Variants in MCC observed in about 807,000 individuals in gnomAD.
MCC encodes the protein MCC regulator of Wnt signaling pathway.
In MCC, 90 loss-of-function variants were observed where a neutral mutation model predicts 116.2. That is an observed-to-expected ratio of 0.77 (90% confidence interval 0.65 to 0.92). The LOEUF is 0.92. MCC is among the 40% of genes least tolerant of loss of function. The pLI is 0.00. For missense variants in MCC, 1,516 were observed against 1,312.2 expected (o/e 1.16, Z -2.40); for synonymous variants, 578 against 510.5 (o/e 1.13, Z -1.78).
chr5:113,450,173 G>C (rs1580390914), intron 1 of MCC, among the ~76,000 whole-genome samples: 1 of 152,266 alleles, frequency 6.6e-6, no homozygotes, highest in Non-Finnish European at 1.5e-5. Context: ...TGGAGTTAGG[G>C]TGGAAGTTCA....
At chr5:113,144,741 G>A (rs1393279369) in intron 4 of MCC, among the ~76,000 whole-genome samples, 1 of 152,182 alleles carries the variant, frequency 6.6e-6, no homozygotes, top group Non-Finnish European at 1.5e-5. Context: ...GGGTTACCTT[G>A]GAGCTCCAGA....
intron 2 of MCC, among the ~76,000 whole-genome samples, chr5:113,354,062 C>G (rs1471894882): frequency 6.6e-6 from 1 of 152,184 alleles, no homozygotes; most frequent in African/African-American, 2.4e-5. Context: ...TCCCTCCCCA[C>G]CAAATCTCAG....
intron 3 of MCC, among the ~76,000 whole-genome samples, chr5:113,317,176 C>T (rs1292718762): frequency 1.3e-5 from 2 of 152,222 alleles, no homozygotes. Flanking sequence ...TTGATTAAAC[C>T]CACAGTTCAA....
intron 1 of MCC, among the ~76,000 whole-genome samples, chr5:113,460,472 C>A (rs1339266725): frequency 2.0e-5 from 3 of 152,122 alleles, no homozygotes; most frequent in Non-Finnish European, 4.4e-5. Context: ...AAACACACAC[C>A]ACACACATTG....
chr5:113,103,028 C>G (rs1159767277), intron 7 of MCC, among the ~76,000 whole-genome samples: 1 of 152,074 alleles, frequency 6.6e-6, no homozygotes, highest in Non-Finnish European at 1.5e-5. Flanking sequence ...GCAGGAGAAT[C>G]GCTTGAATCT....
intron 3 of MCC, among the ~76,000 whole-genome samples, chr5:113,230,803 T>C (rs1488216845): frequency 6.6e-6 from 1 of 152,180 alleles, no homozygotes; most frequent in Non-Finnish European, 1.5e-5. Context: ...ATATTGTGAT[T>C]TCTCTAAAAT....
intron 3 of MCC, among the ~76,000 whole-genome samples, chr5:113,268,957 G>A (rs186253193): frequency 6.6e-6 from 1 of 152,198 alleles, no homozygotes; most frequent in South Asian, 2.1e-4. Flanking sequence ...TAAAAGCTAG[G>A]CTTTTTTTTC....
intron 8 of MCC, among the ~76,000 whole-genome samples, chr5:113,100,123 C>A (rs116149415): frequency 6.6e-6 from 1 of 152,204 alleles, no homozygotes; most frequent in East Asian, 1.9e-4. Context: ...TGCTTATGCA[C>A]GTGAGTTAAG....
chr5:113,246,324 A>G lies in MCC; in HGVS notation c.627+94195T>C, dbSNP rs548968925. Among the ~76,000 whole-genome samples the G allele has an allele frequency of 7.9e-5, 12 of 152,330 alleles. No individual in the cohort carries two copies. The South Asian group carries it at 2.3e-3, about 29-fold the overall frequency. ...TACTTTTTAAATTGATAAGCTGAAA[A>G]GTTCATCTTTTTTAAAGCAATTTCT... On this transcript the variant is annotated intron_variant, in intron 3 of 18. Coordinates refer to ENST00000408903, the MANE Select transcript of MCC (RefSeq NM_001085377.2).
chr5:113,393,667 G>A lies in MCC; in HGVS notation c.171-8455C>T, dbSNP rs192460469. 6.6e-5 allele frequency among the ~76,000 whole-genome samples: 10 copies of A among 152,328 alleles called. No homozygotes were observed. The East Asian group carries it at 1.2e-3, about 18-fold the overall frequency. On this transcript the variant is annotated intron_variant, in intron 1 of 18. Transcript: ENST00000408903. ...CGCTTTGGCTATGTTTCTAGAGACA[G>A]TAGTCTAATTCCCTACATAGAGAGT...
chr5:113,082,899 T>G lies in MCC; in HGVS notation c.1745A>C (p.Lys582Thr). The G allele has an allele frequency of 1.2e-6, 2 of 1,614,224 alleles. No individual in the cohort carries two copies. The highest frequency in any genetic ancestry group is 2.2e-5 in the South Asian group (2 of 91,072). ...YSHGSAISES[K>T]IREFEVETER... ...TGTTTCCACCTCAAACTCTCTAATC[T>G]TGCTTTCTGAGATGGCAGATCCGTG... The change falls in exon 11 of 19, where the codon AAG becomes ACG. Residue 582 changes from lysine (K) to threonine (T), a missense_variant. Coordinates refer to ENST00000408903, the MANE Select transcript of MCC (RefSeq NM_001085377.2).
chr5:113,378,719 G>T (rs1272708486), intron 2 of MCC, among the ~76,000 whole-genome samples: 4 of 152,082 alleles, frequency 2.6e-5, no homozygotes, highest in Admixed American at 2.6e-4. Context: ...CTGAAGCACT[G>T]CCCCTTTCAC....
chr5:113,253,239 G>A (rs979918135), intron 3 of MCC, among the ~76,000 whole-genome samples: 5 of 152,152 alleles, frequency 3.3e-5, no homozygotes, highest in Non-Finnish European at 7.3e-5. Flanking sequence ...GAGATTAGAC[G>A]TACAGAAACT....
chr5:113,304,548 A>G (rs1378341683), intron 3 of MCC, among the ~76,000 whole-genome samples: 1 of 152,158 alleles, frequency 6.6e-6, no homozygotes, highest in Non-Finnish European at 1.5e-5. Context: ...GAGATTCACT[A>G]CTTTATGCAA....
chr5:113,035,716 C>A lies in MCC; in HGVS notation c.2757-6660G>T, dbSNP rs1751283706. 2.6e-5 allele frequency among the ~76,000 whole-genome samples: 4 copies of A among 152,184 alleles called. No homozygotes were observed. The South Asian group carries it at 8.3e-4, about 32-fold the overall frequency. On this transcript the variant is annotated intron_variant, in intron 17 of 18. Coordinates refer to ENST00000408903, the MANE Select transcript of MCC (RefSeq NM_001085377.2). Reference sequence around the variant, plus strand: ...GTGTCACCTCCCAGAGAGGCCTAGACTGACCACCCATCTAAACTCATGTCC... The same window carrying A: ...GTGTCACCTCCCAGAGAGGCCTAGAATGACCACCCATCTAAACTCATGTCC...
intron 1 of MCC, among the ~76,000 whole-genome samples, chr5:113,429,657 C>A (rs1414299754): frequency 6.6e-6 from 1 of 152,054 alleles, no homozygotes; most frequent in Non-Finnish European, 1.5e-5. Context: ...AAGAGTGGTA[C>A]ACATATTTTC....
At chr5:113,083,973 G>A (rs116448813) in intron 10 of MCC, 128 bp downstream of exon 10, 2 of 683,416 alleles carry the variant, frequency 2.9e-6, no homozygotes, top group Non-Finnish European at 5.2e-6. Context: ...AGGAAATCAG[G>A]TATGATTTAC....
At chr5:113,068,440 G>A (rs570408292) in intron 12 of MCC, among the ~76,000 whole-genome samples, 52 of 152,258 alleles carry the variant, frequency 3.4e-4, no homozygotes, top group African/African-American at 1.2e-3. Context: ...CAAATGTGTC[G>A]TCCCTTCAGT....
chr5:113,109,477 T>C (rs962714348), intron 6 of MCC, among the ~76,000 whole-genome samples: 11 of 152,242 alleles, frequency 7.2e-5, no homozygotes, highest in Non-Finnish European at 1.3e-4. Flanking sequence ...GAGATAAAGT[T>C]TACCGGGGTG....
Sources: gnomAD v4.1 joint callset for allele counts (sites outside exome capture counted in the v4.1 genomes callset) on GRCh38, gnomAD v4.1.1 for gene constraint, MANE v1.5 for transcripts, NCBI Gene and HGNC (gene_info 2026-07-23, HGNC 2026-07-21) for gene names.